CADM1: variants seen among roughly 807,000 people sequenced by gnomAD.
CADM1 encodes the protein cell adhesion molecule 1, also known as TSLC-1.
In CADM1, 15 loss-of-function variants were observed where a neutral mutation model predicts 53.1. The observed-to-expected ratio is 0.28, with a 90% CI of 0.19 to 0.44. The LOEUF (loss-of-function observed/expected upper bound fraction) is 0.44, where lower values mean the gene tolerates loss of function less well. Among genes scored for constraint, CADM1 ranks in the 20% least tolerant of loss-of-function variants. CADM1 has a pLI of 1.00. For missense variants in CADM1, 434 were observed against 611.3 expected, an observed-to-expected ratio of 0.71 and a Z score of 3.06; for synonymous variants, 281 against 243.0, an observed-to-expected ratio of 1.16 and a Z score of -1.45.
intron 1 of CADM1, among the ~76,000 whole-genome samples, chr11:115,420,700 G>T (rs1008661688): frequency 1.3e-5 from 2 of 152,122 alleles, no homozygotes; most frequent in African/African-American, 4.8e-5. Flanking sequence ...TTTAATTATT[G>T]TTTGTGGGTC....
intron 1 of CADM1, chr11:115,399,145 A>T (rs1158619436): frequency 1.3e-5 from 2 of 152,200 alleles, no homozygotes; most frequent in African/African-American, 4.8e-5. Flanking sequence ...CTGAGTTATC[A>T]CACAGTAATG....
chr11:115,453,751 G>C (rs1422613290), intron 1 of CADM1, among the ~76,000 whole-genome samples: 1 of 152,018 alleles, frequency 6.6e-6, no homozygotes, highest in Non-Finnish European at 1.5e-5. Flanking sequence ...TGCCCACCTC[G>C]CCCTCCCAAA....
chr11:115,177,055 A>G (rs1939069124), intron 11 of CADM1, among the ~76,000 whole-genome samples: 1 of 152,212 alleles, frequency 6.6e-6, no homozygotes, highest in Non-Finnish European at 1.5e-5. Flanking sequence ...ATTTATTTGA[A>G]CCACCGTCCC....
Position 115,284,461 on chromosome 11 carries a change from T to C in CADM1, c.125-44041A>G, listed in dbSNP as rs1488979595. Among the ~76,000 whole-genome samples the C allele has an allele frequency of 2.0e-5, 3 of 151,882 alleles. No individual in the cohort carries two copies. In the East Asian group the frequency reaches 5.8e-4, roughly 30 times the overall value. The stretch of plus-strand genomic sequence containing the variant: ...TAGATTTTCATGTCAGTTTCACTGC[T>C]CTACTTTACCAATTATTTAAAGGTT... On this transcript the variant is annotated intron_variant, in intron 1 of 11. Coordinates refer to ENST00000331581, the MANE Select transcript of CADM1 (RefSeq NM_001301043.2).
intron 1 of CADM1, among the ~76,000 whole-genome samples, chr11:115,384,346 C>CCG (rs2135162648): frequency 6.6e-6 from 1 of 152,220 alleles, no homozygotes; most frequent in East Asian, 1.9e-4. Context: ...TCTCCATTTG[C>CCG]AGTGAGAGGG....
In CADM1 at chr11:115,374,002, T is replaced by A. The variant is rs545105290; in HGVS notation, c.124+130269A>T. Among the ~76,000 whole-genome samples the A allele has an allele frequency of 3.3e-5, 5 of 152,324 alleles. No homozygotes were observed. The East Asian group carries it at 9.6e-4, about 29-fold the overall frequency. ...ACAACAACAATACATTGCCTAGTTC[T>A]GTACACTAAAAAGATCTAAAAACAG... On this transcript the variant is annotated intron_variant, in intron 1 of 11. Coordinates refer to ENST00000331581, the MANE Select transcript of CADM1 (RefSeq NM_001301043.2).
chr11:115,304,033 T>A (rs976275195), intron 1 of CADM1, among the ~76,000 whole-genome samples: 1 of 152,068 alleles, frequency 6.6e-6, no homozygotes, highest in Non-Finnish European at 1.5e-5. Flanking sequence ...TGAAAACTGT[T>A]GGCTTCTATA....
intron 1 of CADM1, among the ~76,000 whole-genome samples, chr11:115,306,497 A>G (rs533538514): frequency 6.6e-6 from 1 of 152,128 alleles, no homozygotes; most frequent in Non-Finnish European, 1.5e-5. Flanking sequence ...TAGCAGTTCT[A>G]TATTAAAGAC....
intron 1 of CADM1, among the ~76,000 whole-genome samples, chr11:115,402,986 T>C (rs546942173): frequency 6.6e-6 from 1 of 152,276 alleles, no homozygotes; most frequent in Admixed American, 6.5e-5. Flanking sequence ...TAGAAATCAT[T>C]TAGCAAACAC....
chr11:115,410,132 C>T (rs1234931546), intron 1 of CADM1, among the ~76,000 whole-genome samples: 2 of 152,242 alleles, frequency 1.3e-5, no homozygotes, highest in Non-Finnish European at 2.9e-5. Context: ...CTGAATACAA[C>T]ATGCTGCACA....
rs56270694 is a variant in CADM1, at chr11:115,206,758, C to CTTTTTTTTTTTTTTTTTTTTTT, written c.1078+2794_1078+2815dup. Among the ~76,000 whole-genome samples the CTTTTTTTTTTTTTTTTTTTTTT allele has an allele frequency of 4.2e-4, 16 of 38,232 alleles. 6 individuals are homozygous for CTTTTTTTTTTTTTTTTTTTTTT. In the East Asian group the frequency reaches 5.6e-3, roughly 13 times the overall value. 25.1% of individuals were successfully genotyped at this position (38,232 alleles called of 152,430 possible). On this transcript the variant is annotated intron_variant, in intron 8 of 11. Transcript: ENST00000331581. The stretch of plus-strand genomic sequence containing the variant: ...AAAAGAAATAGATGACTGTGGACTT[C>CTTTTTTTTTTTTTTTTTTTTTT]TTTTTTTTTTTTTTTTTTTTTTTTT...
intron 1 of CADM1, among the ~76,000 whole-genome samples, chr11:115,335,020 G>A (rs1197137325): frequency 6.6e-6 from 1 of 152,022 alleles, no homozygotes; most frequent in Non-Finnish European, 1.5e-5. Context: ...CCAACAAGTA[G>A]TCATTAGAAA....
At chr11:115,312,068 G>A (rs766772532) in intron 1 of CADM1, among the ~76,000 whole-genome samples, 24 of 152,174 alleles carry the variant, frequency 1.6e-4, no homozygotes, top group Admixed American at 6.5e-4. Context: ...CGTCCTACAA[G>A]AAGCTCACAG....
chr11:115,280,539 G>A (rs1327996462), intron 1 of CADM1, among the ~76,000 whole-genome samples: 4 of 152,172 alleles, frequency 2.6e-5, no homozygotes, highest in African/African-American at 4.8e-5. Context: ...TAGTCCTACC[G>A]AATGAACTTT....
intron 1 of CADM1, among the ~76,000 whole-genome samples, chr11:115,310,670 G>T (rs1944510218): frequency 6.6e-6 from 1 of 152,102 alleles, no homozygotes; most frequent in Admixed American, 6.5e-5. Context: ...GGCCTTTCTG[G>T]TTTACTCCTA....
intron 8 of CADM1, among the ~76,000 whole-genome samples, chr11:115,205,627 T>G (rs990650192): frequency 3.3e-5 from 5 of 152,124 alleles, no homozygotes; most frequent in Non-Finnish European, 5.9e-5. Flanking sequence ...TGCTTCCACA[T>G]GACAGCATAT....
intron 1 of CADM1, among the ~76,000 whole-genome samples, chr11:115,446,186 A>G (rs1948447140): frequency 9.0e-6 from 1 of 111,466 alleles, no homozygotes; most frequent in African/African-American, 3.2e-5. Context: ...TGCTTTACAT[A>G]TTATTATCAT....
chr11:115,354,502 C>T (rs1179304585), intron 1 of CADM1, among the ~76,000 whole-genome samples: 1 of 152,152 alleles, frequency 6.6e-6, no homozygotes, highest in Non-Finnish European at 1.5e-5. Flanking sequence ...TAGGAGGTTA[C>T]TGAGCCTTGA....
chr11:115,333,796 G>A (rs570535382), intron 1 of CADM1, among the ~76,000 whole-genome samples: 1 of 152,180 alleles, frequency 6.6e-6, no homozygotes, highest in South Asian at 2.1e-4. Context: ...CAGAAAATTA[G>A]TACAGTAGTT....
Sources: gnomAD v4.1 joint callset for allele counts (sites outside exome capture counted in the v4.1 genomes callset) on GRCh38, gnomAD v4.1.1 for gene constraint, MANE v1.5 for transcripts, NCBI Gene and HGNC (gene_info 2026-07-23, HGNC 2026-07-21) for gene names.